MAP7D3: variants seen among roughly 807,000 people sequenced by gnomAD.
MAP7D3 encodes MAP7 domain containing 3.
MAP7D3 carries 45 observed loss-of-function variants against 62.2 expected under a neutral mutation model. The observed-to-expected ratio is 0.72, with a 90% CI of 0.57 to 0.93. The LOEUF is 0.93. Ranked by LOEUF, MAP7D3 falls within the 40% of genes least tolerant of loss-of-function variation. The pLI is 0.00. For synonymous variants in MAP7D3, 288 were observed against 248.8 expected (o/e 1.16, Z -1.48); for missense variants, 711 against 683.1 (o/e 1.04, Z -0.45).
intron 14 of MAP7D3, among the ~76,000 whole-genome samples, chrX:136,224,078 G>C (rs1289652399): frequency 7.1e-5 from 5 of 70,592 alleles, no homozygotes; most frequent in Admixed American, 7.1e-4. Context: ...AAAAAAAAAA[G>C]CTTCTATCCA....
chrX:136,227,379 CT>C lies in MAP7D3; in HGVS notation c.1938del (p.Glu647LysfsTer4). The C allele has an allele frequency of 8.4e-7, 1 of 1,193,259 alleles. No homozygotes were observed. Among genetic ancestry groups the C allele is most frequent in the Non-Finnish European group, 1.1e-6 (1 of 884,243 alleles). Reference protein sequence around the residue: ...DMAKEAVGGQAEDHLKLKDGQ... With the variant: ...DMAKEAVGGQXEDHLKLKDGQ... ...CCATCTTTGAGTTTCAAGTGGTCTT[CT>C]GCTTGGCCTCCAACTGCTTCCTTTG... is the stretch of plus-strand genomic sequence containing the variant. On this transcript the variant is annotated frameshift_variant, in exon 12 of 19. Transcript: ENST00000316077. LOFTEE classifies it high-confidence loss of function.
chrX:136,224,097 C>A (rs896632541), intron 14 of MAP7D3, among the ~76,000 whole-genome samples: 3 of 80,700 alleles, frequency 3.7e-5, no homozygotes, highest in Non-Finnish European at 7.3e-5. Context: ...CAGAAGAAGA[C>A]AACATTAAGA....
chrX:136,231,641 T>C lies in MAP7D3; in HGVS notation c.1316A>G (p.Glu439Gly), dbSNP rs2074268345. Residue 439 changes from glutamate to glycine, a missense_variant, in exon 8 of 19, where the codon GAG (glutamate) becomes GGG (glycine). By Grantham distance (98) the Glu-to-Gly change is moderately conservative. Transcript: ENST00000316077. Reference sequence around the variant, plus strand: ...TTTCACCATCGCCTCAGGAGATGCCTCCATGCTCTCCTTGGGTGACCCTTT... The same window carrying C: ...TTTCACCATCGCCTCAGGAGATGCCCCCATGCTCTCCTTGGGTGACCCTTT... ...SVKGSPKESM[E>G]ASPEAMVKAS... The C allele has an allele frequency of 8.3e-7, 1 of 1,209,164 alleles. No homozygotes were observed. Among genetic ancestry groups the C allele is most frequent in the East Asian group, 3.0e-5 (1 of 33,788 alleles).
chrX:136,254,206 T>TCC (rs1165699744), upstream of MAP7D3, among the ~76,000 whole-genome samples: 1 of 107,693 alleles, frequency 9.3e-6, no homozygotes, highest in Non-Finnish European at 1.9e-5. Context: ...TGCCTCAGCC[T>TCC]CCCAAGTAGC....
At chrX:136,242,336 A>G (rs1397179625) in intron 4 of MAP7D3, among the ~76,000 whole-genome samples, 1 of 111,736 alleles carries the variant, frequency 8.9e-6, no homozygotes, top group African/African-American at 3.3e-5. Flanking sequence ...TGCATTACCT[A>G]CTGTGCTCTC....
chrX:136,248,320 A>G lies in MAP7D3; in HGVS notation c.71-1979T>C, dbSNP rs987107299. On this transcript the variant is annotated intron_variant, in intron 1 of 18. Transcript: ENST00000316077. ...TAGTAGTATCAAATCTGATTTTTAG[A>G]CCTTTGTATCCAAATTCCTACTGGT... 8.9e-5 allele frequency among the ~76,000 whole-genome samples: 10 copies of G among 112,463 alleles called. No homozygotes were observed. The Admixed American group carries it at 9.4e-4, about 11-fold the overall frequency.
At chrX:136,248,381 A>G (rs2074471664) in intron 1 of MAP7D3, among the ~76,000 whole-genome samples, 1 of 112,066 alleles carries the variant, frequency 8.9e-6, no homozygotes, top group Admixed American at 9.5e-5. Flanking sequence ...GGGTTTAAAA[A>G]TTATTTAAAA....
Position 136,246,269 on chromosome X carries a change from G to C in MAP7D3, c.143C>G (p.Ser48Ter), listed in dbSNP as rs2148422168. The C allele has an allele frequency of 8.3e-7, 1 of 1,201,696 alleles. No homozygotes were observed. The highest frequency in any genetic ancestry group is 3.0e-5 in the East Asian group (1 of 33,836). ...TGGTTTAAATGTCGATCTTATATTTGAGGAATGGGTTGCAACACGATTAAC... is the reference window on the plus strand; with the variant it reads ...TGGTTTAAATGTCGATCTTATATTTCAGGAATGGGTTGCAACACGATTAAC... ...DVVNRVATHS[S>*]NIRSTFKPVI... Residue 48 changes from serine to a stop codon, truncating the protein, a stop_gained, in exon 2 of 19, where the codon TCA becomes TGA. Transcript: ENST00000316077. LOFTEE classifies it high-confidence loss of function.
chrX:136,254,660 G>T, upstream of MAP7D3, among the ~76,000 whole-genome samples: 1 of 110,865 alleles, frequency 9.0e-6, no homozygotes, highest in Non-Finnish European at 1.9e-5. Flanking sequence ...CCTGTTTGGA[G>T]TGATCAGAGA....
Position 136,230,377 on chromosome X carries a change from G to C in MAP7D3, c.1750+8C>G. 9.1e-7 allele frequency: 1 copy of C among 1,098,733 alleles called. No individual in the cohort carries two copies. Among genetic ancestry groups the C allele is most frequent in the Admixed American group, 2.3e-5 (1 of 44,062 alleles). The allele number at this position is 1,098,733 out of a possible 1,213,427, so 90.5% of individuals were successfully genotyped here. On this transcript the variant is annotated splice_region_variant and intron_variant, in intron 10 of 18. Coordinates refer to ENST00000316077, the MANE Select transcript of MAP7D3 (RefSeq NM_024597.4). The stretch of plus-strand genomic sequence containing the variant: ...TGCTAAGATAAACTTCTTAGTGAAA[G>C]AACTTACCTTCATAGATCATATGCC...
At chrX:136,248,372 G>A (rs758766352) in intron 1 of MAP7D3, among the ~76,000 whole-genome samples, 82 of 111,670 alleles carry the variant, frequency 7.3e-4, no homozygotes, top group Non-Finnish European at 1.4e-3. Flanking sequence ...GAAAGGACAG[G>A]GTTTAAAAAT....
At chrX:136,251,624 G>A, upstream of MAP7D3, 1 of 736,601 alleles carries the variant, frequency 1.4e-6, no homozygotes, top group Non-Finnish European at 1.6e-6. Context: ...CTACTGCATT[G>A]TGAGGACTAG....
chrX:136,216,359 T>TAAAA (rs58245551), downstream of MAP7D3, among the ~76,000 whole-genome samples: 3 of 25,504 alleles, frequency 1.2e-4, no homozygotes, highest in Admixed American at 7.4e-4. Context: ...ACCCTATCTC[T>TAAAA]AAAAAAAAAA....
chrX:136,245,602 C>T (rs2074438323), intron 3 of MAP7D3, among the ~76,000 whole-genome samples: 1 of 110,421 alleles, frequency 9.1e-6, no homozygotes, highest in South Asian at 3.9e-4. Flanking sequence ...AAAAAATTAG[C>T]CGGGTGTGGT....
rs1173688432 is a variant in MAP7D3, at chrX:136,251,326, GCCA to G, written c.30_32del (p.Gly12del). On this transcript the variant is annotated inframe_deletion, in exon 1 of 19. Coordinates refer to ENST00000316077, the MANE Select transcript of MAP7D3 (RefSeq NM_024597.4). ...GCAGCTCTCTCAAGGATGGGCTGCC[GCCA>G]GCGCCAGCTGCGGCGCCGTCCGCCA... 1.2e-3 allele frequency: 1,318 copies of G among 1,127,551 alleles called. No homozygotes were observed. Among genetic ancestry groups the G allele is most frequent in the Non-Finnish European group, 1.5e-3 (1,258 of 859,996 alleles). 92.9% of individuals were successfully genotyped at this position (1,127,551 alleles called of 1,213,427 possible).
At position 136,236,231 on chromosome X, in the gene MAP7D3, A is replaced by T. The variant is rs148908541; in HGVS notation, c.736+13T>A. On this transcript the variant is annotated intron_variant, in intron 7 of 18. Transcript: ENST00000316077. ...AAATCACTATTTAAAATTTGTATTT[A>T]GAAGTAACTAACCACGTGGCTTCCT... 2.7e-4 allele frequency: 280 copies of T among 1,044,932 alleles called. No homozygotes were observed. In the African/African-American group the frequency reaches 4.5e-3, roughly 17 times the overall value. The allele number at this position is 1,044,932 out of a possible 1,213,427, so 86.1% of individuals were successfully genotyped here.
intron 18 of MAP7D3, 72 bp downstream of exon 18, chrX:136,219,326 T>C: frequency 1.7e-6 from 1 of 581,147 alleles, no homozygotes; most frequent in Non-Finnish European, 2.8e-6. Context: ...TGCCCTGGAA[T>C]GGCTAGAAGG....
chrX:136,253,061 C>A (rs1003628690), upstream of MAP7D3, among the ~76,000 whole-genome samples: 7 of 111,536 alleles, frequency 6.3e-5, no homozygotes, highest in Non-Finnish European at 1.3e-4. Context: ...GCTGCCACTG[C>A]ACTCCAGCCT....
At chrX:136,252,419 G>C (rs2074522237), upstream of MAP7D3, among the ~76,000 whole-genome samples, 1 of 108,381 alleles carries the variant, frequency 9.2e-6, no homozygotes, top group Non-Finnish European at 1.9e-5. Flanking sequence ...GCTCATGCCT[G>C]TAATCCTAGC....
Sources: gnomAD v4.1 joint callset for allele counts (sites outside exome capture counted in the v4.1 genomes callset) on GRCh38, gnomAD v4.1.1 for gene constraint, MANE v1.5 for transcripts, NCBI Gene and HGNC (gene_info 2026-07-23, HGNC 2026-07-21) for gene names.